BRD10: variants seen among roughly 807,000 people sequenced by gnomAD.
BRD10 encodes the protein bromodomain containing 10, also known as uncharacterized bromodomain-containing protein 10.
the BRD10 span, among the ~76,000 whole-genome samples, chr9:5,905,506 A>T: frequency 0.037 from 5,616 of 151,914 alleles, 275 homozygotes; most frequent in South Asian, 0.12. Flanking sequence ...CCATAAAAAA[A>T]TTTTTTTTTA....
the BRD10 span, among the ~76,000 whole-genome samples, chr9:5,879,025 T>C: frequency 2.0e-5 from 3 of 152,234 alleles, no homozygotes; most frequent in Non-Finnish European, 4.4e-5. Context: ...GTTCTCACTT[T>C]ACTCTCTGCT....
the BRD10 span, among the ~76,000 whole-genome samples, chr9:5,948,375 T>C: frequency 5.9e-5 from 9 of 152,192 alleles, no homozygotes; most frequent in African/African-American, 2.2e-4. Flanking sequence ...ACTTGTATTA[T>C]AGTTTTAGGA....
chr9:5,920,336 C>A, the BRD10 span: 1 of 1,613,918 alleles, frequency 6.2e-7, no homozygotes, highest in African/African-American at 1.3e-5. Flanking sequence ...AATCTGAGTA[C>A]CAGGTGCCAA....
chr9:5,966,455 C>CTTTTTTTTTTTTT, the BRD10 span, among the ~76,000 whole-genome samples: 1 of 83,750 alleles, frequency 1.2e-5, no homozygotes, highest in Non-Finnish European at 2.1e-5. Context: ...CTAACATTTC[C>CTTTTTTTTTTTTT]TTTTTTTTTT....
the BRD10 span, among the ~76,000 whole-genome samples, chr9:5,950,623 T>A: frequency 2.6e-5 from 4 of 152,176 alleles, no homozygotes; most frequent in Non-Finnish European, 5.9e-5. Context: ...ATTATTTTTA[T>A]ACTATCTAAA....
the BRD10 span, among the ~76,000 whole-genome samples, chr9:5,906,338 A>AAAAAG: frequency 2.7e-5 from 4 of 150,028 alleles, no homozygotes; most frequent in African/African-American, 7.5e-5. Context: ...TCAAAAAAAA[A>AAAAAG]AAAAGAAAAG....
At chr9:5,904,702 G>C in the BRD10 span, among the ~76,000 whole-genome samples, 2 of 151,726 alleles carry the variant, frequency 1.3e-5, no homozygotes, top group Admixed American at 1.3e-4. Context: ...TCGACCTCAA[G>C]TGATCCACCC....
the BRD10 span, among the ~76,000 whole-genome samples, chr9:5,918,622 T>TG: frequency 1.4e-5 from 2 of 147,830 alleles, no homozygotes; most frequent in Admixed American, 1.4e-4. Context: ...AAAGTAATTG[T>TG]GGTTTTTTGC....
At chr9:5,921,641 G>A in the BRD10 span, 1 of 1,613,960 alleles carries the variant, frequency 6.2e-7, no homozygotes, top group Non-Finnish European at 8.5e-7. Context: ...TTCTGACCTT[G>A]TAACAGGGTA....
the BRD10 span, among the ~76,000 whole-genome samples, chr9:5,954,272 T>C: frequency 6.6e-6 from 1 of 152,228 alleles, no homozygotes; most frequent in African/African-American, 2.4e-5. Flanking sequence ...AACTATTAAC[T>C]ACCTGTTAAC....
At chr9:5,981,624 C>G in the BRD10 span, among the ~76,000 whole-genome samples, 71 of 150,484 alleles carry the variant, frequency 4.7e-4, no homozygotes, top group African/African-American at 1.6e-3. Context: ...TATCTATCTT[C>G]TATCTATCTA....
the BRD10 span, chr9:5,898,970 C>T: frequency 6.6e-6 from 1 of 152,182 alleles, no homozygotes; most frequent in Non-Finnish European, 1.5e-5. Flanking sequence ...AACACAATTA[C>T]ACAATCCAAT....
the BRD10 span, chr9:5,954,186 T>G: frequency 1.4e-6 from 1 of 700,320 alleles, no homozygotes; most frequent in Non-Finnish European, 2.5e-6. Context: ...AAAGTTAAAT[T>G]GTAACTAACA....
the BRD10 span, among the ~76,000 whole-genome samples, chr9:5,974,828 C>T: frequency 6.6e-6 from 1 of 152,110 alleles, no homozygotes. Flanking sequence ...TCATAATTCA[C>T]GGAATATTGG....
At chr9:5,954,944 C>A in the BRD10 span, among the ~76,000 whole-genome samples, 1 of 151,784 alleles carries the variant, frequency 6.6e-6, no homozygotes, top group Admixed American at 6.6e-5. Context: ...AAAAATTAGC[C>A]GGGTGTGGTG....
the BRD10 span, among the ~76,000 whole-genome samples, chr9:5,939,419 T>C: frequency 6.6e-6 from 1 of 152,234 alleles, no homozygotes; most frequent in African/African-American, 2.4e-5. Flanking sequence ...AATACATATA[T>C]AACCATATTG....
At chr9:5,881,898 GC>G in the BRD10 span, among the ~76,000 whole-genome samples, 1 of 152,194 alleles carries the variant, frequency 6.6e-6, no homozygotes, top group Non-Finnish European at 1.5e-5. Context: ...CAGGCTCTGC[GC>G]CAAGCAATGG....
At chr9:5,900,333 C>T in the BRD10 span, among the ~76,000 whole-genome samples, 6 of 152,070 alleles carry the variant, frequency 3.9e-5, no homozygotes, top group Non-Finnish European at 7.4e-5. Context: ...GAGAGGGAAT[C>T]GTGTTTAAAT....
the BRD10 span, among the ~76,000 whole-genome samples, chr9:6,005,239 G>A: frequency 4.6e-5 from 7 of 152,168 alleles, no homozygotes; most frequent in African/African-American, 1.4e-4. Flanking sequence ...GGCCGGGCGC[G>A]GTGGCTAGGG....
Sources: allele counts gnomAD v4.1 joint callset (sites outside exome capture counted in the v4.1 genomes callset), GRCh38; gene constraint gnomAD v4.1.1; transcripts MANE v1.5; gene names NCBI Gene and HGNC (gene_info 2026-07-23, HGNC 2026-07-21).